The following RACGAP1 variants were observed in gnomAD, a reference collection of about 807,000 sequenced individuals.
The protein encoded by RACGAP1 is rac GTPase-activating protein 1.
RACGAP1 carries 30 observed loss-of-function variants against 78.1 expected under a neutral mutation model. The ratio of observed to expected loss-of-function variants is 0.38; its 90% CI spans 0.29 to 0.52. The LOEUF (loss-of-function observed/expected upper bound fraction) is 0.52. RACGAP1 is among the 20% of genes least tolerant of loss of function. The pLI is 0.82. For synonymous variants in RACGAP1, 231 were observed against 264.8 expected (o/e 0.87, Z 1.24); for missense variants, 587 against 777.1 (o/e 0.76, Z 2.91).
At chr12:50,018,764 C>T (rs1397479226) in intron 1 of RACGAP1, among the ~76,000 whole-genome samples, 2 of 151,656 alleles carry the variant, frequency 1.3e-5, no homozygotes, top group Non-Finnish European at 2.9e-5. Context: ...ATGTTGAAAA[C>T]TGGTTGTTTA....
intron 2 of RACGAP1, among the ~76,000 whole-genome samples, chr12:50,030,550 G>A (rs918044506): frequency 4.6e-5 from 7 of 151,608 alleles, no homozygotes; most frequent in African/African-American, 9.7e-5. Context: ...TCAGTCGGGC[G>A]TCGTGGCACA....
chr12:50,001,527 C>T (rs149779581), intron 6 of RACGAP1, among the ~76,000 whole-genome samples: 66 of 152,270 alleles, frequency 4.3e-4, no homozygotes, highest in African/African-American at 1.6e-3. Flanking sequence ...AAAAGTACAG[C>T]TGTAATCCTA....
intron 1 of RACGAP1, among the ~76,000 whole-genome samples, chr12:50,023,002 A>G (rs1202314306): frequency 4.6e-5 from 7 of 152,192 alleles, no homozygotes; most frequent in Non-Finnish European, 8.8e-5. Context: ...TCCATCTAAC[A>G]TACTTACATA....
intron 15 of RACGAP1, 72 bp downstream of exon 15, chr12:49,991,926 G>A: frequency 6.3e-7 from 1 of 1,579,136 alleles, no homozygotes; most frequent in Non-Finnish European, 8.5e-7. Flanking sequence ...CTCTAGCAAA[G>A]GCAGGAAGAG....
intron 10 of RACGAP1, among the ~76,000 whole-genome samples, chr12:49,995,349 AAAAAC>A (rs148130509): frequency 0.16 from 24,722 of 151,160 alleles, 3,460 homozygotes; most frequent in African/African-American, 0.39. Flanking sequence ...ACTCCCTCTC[AAAAAC>A]AAAACAAAAC....
chr12:50,015,492 A>C (rs990930460), intron 2 of RACGAP1, among the ~76,000 whole-genome samples: 1 of 152,128 alleles, frequency 6.6e-6, no homozygotes, highest in Non-Finnish European at 1.5e-5. Context: ...TAAAATAGGG[A>C]GACCTTATCT....
At position 50,008,168 on chromosome 12, in the gene RACGAP1, T is replaced by TGA. The variant is rs1555175005; in HGVS notation, c.86-1534_86-1533dup. Among the ~76,000 whole-genome samples, 25 of 56,294 alleles carry TGA rather than the reference T, an allele frequency of 4.4e-4. 1 individual carries two copies. The highest frequency in any genetic ancestry group is 2.5e-3 in the African/African-American group (23 of 9,312). 36.9% of individuals were successfully genotyped at this position (56,294 alleles called of 152,430 possible). On this transcript the variant is annotated intron_variant, in intron 2 of 16. Coordinates refer to ENST00000312377, the MANE Select transcript of RACGAP1 (RefSeq NM_001319999.2). ...TTTTTGTGTGTGCAGGTGAGAAATGTGAAAAAAAAAAAAAAAAAAAAAAAA... is the reference window on the plus strand; with the variant it reads ...TTTTTGTGTGTGCAGGTGAGAAATGTGAGAAAAAAAAAAAAAAAAAAAAAAAA...
intron 9 of RACGAP1, among the ~76,000 whole-genome samples, chr12:49,997,535 A>G (rs912862844): frequency 9.3e-5 from 14 of 150,706 alleles, no homozygotes; most frequent in African/African-American, 3.4e-4. Flanking sequence ...CGACCTCCCA[A>G]AGTGCTGGGA....
intron 2 of RACGAP1, among the ~76,000 whole-genome samples, chr12:50,031,202 C>A (rs570170018): frequency 6.6e-6 from 1 of 151,692 alleles, no homozygotes; most frequent in Non-Finnish European, 1.5e-5. Flanking sequence ...TTCTGCCGTG[C>A]GCGGTGGCTC....
At chr12:49,999,398 A>C in intron 8 of RACGAP1, 127 bp from the exon 9 acceptor site, 1 of 1,259,164 alleles carries the variant, frequency 7.9e-7, no homozygotes, top group Non-Finnish European at 1.1e-6. Flanking sequence ...ACTAATGGCT[A>C]TGTAAAAAAA....
At chr12:50,026,386 G>A (rs1456491382), upstream of RACGAP1, among the ~76,000 whole-genome samples, 1 of 152,090 alleles carries the variant, frequency 6.6e-6, no homozygotes, top group Non-Finnish European at 1.5e-5. Flanking sequence ...ACAGATTTGG[G>A]GGAGGGAGAT....
intron 7 of RACGAP1, 31 bp from the exon 8 acceptor site, chr12:49,999,764 A>G (rs1320620316): frequency 1.3e-6 from 2 of 1,533,754 alleles, no homozygotes; most frequent in East Asian, 2.2e-5. Flanking sequence ...AGGAAAGACA[A>G]ACAAAGAATC....
intron 4 of RACGAP1, among the ~76,000 whole-genome samples, chr12:50,004,823 T>C (rs1180037968): frequency 1.3e-5 from 2 of 152,230 alleles, no homozygotes; most frequent in African/African-American, 4.8e-5. Flanking sequence ...AAAGCCTGGT[T>C]GAGACTATTT....
chr12:49,998,890 T>G (rs560611422), intron 9 of RACGAP1, among the ~76,000 whole-genome samples: 2 of 151,684 alleles, frequency 1.3e-5, no homozygotes, highest in East Asian at 3.9e-4. Context: ...AGAGTAAGAC[T>G]CTGTCTCAAA....
intron 2 of RACGAP1, among the ~76,000 whole-genome samples, chr12:50,013,349 CA>C (rs1297473212): frequency 6.6e-6 from 1 of 152,114 alleles, no homozygotes; most frequent in Admixed American, 6.6e-5. Flanking sequence ...GGTGGAAAAA[CA>C]GACACAGAAA....
At chr12:50,008,681 T>C (rs1463860190) in intron 2 of RACGAP1, among the ~76,000 whole-genome samples, 2 of 150,056 alleles carry the variant, frequency 1.3e-5, no homozygotes, top group Non-Finnish European at 3.0e-5. Context: ...TAACTAGAGA[T>C]GGGGTTTCAC....
chr12:50,013,886 A>G (rs1293930100), intron 2 of RACGAP1, among the ~76,000 whole-genome samples: 1 of 152,202 alleles, frequency 6.6e-6, no homozygotes, highest in African/African-American at 2.4e-5. Flanking sequence ...CTGAGTTTTA[A>G]TATCTCTTAT....
chr12:50,013,259 CA>C lies in RACGAP1; in HGVS notation c.85+3371del, dbSNP rs1447792650. On this transcript the variant is annotated intron_variant, in intron 2 of 16. Coordinates refer to ENST00000312377, the MANE Select transcript of RACGAP1 (RefSeq NM_001319999.2). ...ATAATCATTTCCCAAAGTATTTTCA[CA>C]ACTAATATCTCAATTTATGCCCAAA... Among the ~76,000 whole-genome samples, 8 of 152,188 alleles carry C rather than the reference CA, an allele frequency of 5.3e-5. 1 individual carries two copies. In the Middle Eastern group the frequency reaches 0.024, roughly 459 times the overall value.
At chr12:50,001,817 G>A (rs1259102355) in intron 6 of RACGAP1, among the ~76,000 whole-genome samples, 3 of 152,192 alleles carry the variant, frequency 2.0e-5, no homozygotes, top group Non-Finnish European at 2.9e-5. Context: ...TGTAATCCCA[G>A]CACTTTGGGA....
Sources: allele counts gnomAD v4.1 joint callset (sites outside exome capture counted in the v4.1 genomes callset), GRCh38; gene constraint gnomAD v4.1.1; transcripts MANE v1.5; gene names NCBI Gene and HGNC (gene_info 2026-07-23, HGNC 2026-07-21).